The following DENND3 variants were observed in gnomAD, a reference collection of about 807,000 sequenced individuals.
The protein encoded by DENND3 is DENN domain containing 3, also known as DENN domain-containing protein 3.
In DENND3, 88 loss-of-function variants were observed where a neutral mutation model predicts 135.1. That is an observed-to-expected ratio of 0.65 (90% CI 0.55 to 0.78). The LOEUF (loss-of-function observed/expected upper bound fraction) is 0.78. Ranked by LOEUF, DENND3 falls within the 30% of genes least tolerant of loss-of-function variation. DENND3 has a pLI of 0.00. For synonymous variants in DENND3, 693 were observed against 712.3 expected, an observed-to-expected ratio of 0.97 and a Z score of 0.43; for missense variants, 1,392 against 1,688.4, an observed-to-expected ratio of 0.82 and a Z score of 3.08.
chr8:141,143,094 C>T (rs959946309), intron 4 of DENND3: 7 of 152,190 alleles, frequency 4.6e-5, no homozygotes, highest in African/African-American at 1.4e-4. Context: ...AAACAGAATA[C>T]AGCCAGAAGA....
rs761569405 is a variant in DENND3 at position 141,188,971 on chromosome 8, G to A, written c.3085-15G>A. On this transcript the variant is annotated splice_polypyrimidine_tract_variant and intron_variant, in intron 18 of 22. Coordinates refer to ENST00000519811, the MANE Select transcript of DENND3 (RefSeq NM_001352890.3). ...AGACTGACTGATTTCTCACGTTCCC[G>A]TGGCCTCCTGTTAGAACTGCATGGT... The A allele has an allele frequency of 1.3e-5, 21 of 1,607,044 alleles. No homozygotes were observed. The highest frequency in any genetic ancestry group is 1.7e-4 in the Middle Eastern group (1 of 6,022).
chr8:141,184,289 G>T (rs1207548514), intron 17 of DENND3, among the ~76,000 whole-genome samples: 1 of 152,138 alleles, frequency 6.6e-6, no homozygotes, highest in Non-Finnish European at 1.5e-5. Flanking sequence ...TATGAATACA[G>T]CACCATGGAG....
chr8:141,164,141 G>GCTCT (rs1180944013), intron 10 of DENND3, among the ~76,000 whole-genome samples: 1 of 152,092 alleles, frequency 6.6e-6, no homozygotes, highest in Non-Finnish European at 1.5e-5. Flanking sequence ...GCAGTCCTGC[G>GCTCT]GTCTGCGCTC....
At chr8:141,186,515 G>GT (rs1358369939) in intron 18 of DENND3, among the ~76,000 whole-genome samples, 4 of 151,974 alleles carry the variant, frequency 2.6e-5, no homozygotes, top group Non-Finnish European at 4.4e-5. Flanking sequence ...CATATGTTGA[G>GT]TTTTTTTTGC....
rs1823736856 is a variant in DENND3, at chr8:141,185,204, G to A, written c.3010G>A (p.Gly1004Ser). Residue 1004 changes from glycine to serine, a missense_variant, in exon 18 of 23, where the codon GGC becomes AGC. By Grantham distance (56) the Gly-to-Ser change is moderately conservative. Transcript: ENST00000519811. ...HPKLWCALSE[G>S]KVTVFNASSW... is the part of the protein sequence containing the mutation. ...CAAGTTATGGTGTGCTCTGAGCGAA[G>A]GCAAGGTGACCGTGTTCAATGCTTC... 8.7e-6 allele frequency: 14 copies of A among 1,614,234 alleles called. No homozygotes were observed. Among genetic ancestry groups the A allele is most frequent in the Non-Finnish European group, 1.0e-5 (12 of 1,180,028 alleles).
chr8:141,175,606 C>T lies in DENND3; in HGVS notation c.2535+147C>T. On this transcript the variant is annotated intron_variant, in intron 14 of 22. Transcript: ENST00000519811. This position sits in a 1 kb window ranked among gnomAD's most constrained non-coding sequence, Gnocchi z 5.4. ...GAATGCCTTCCTGTCCCTCAGTTTGCTCATCTGTAAAGTAGGAATAAGGCT... is the reference window on the plus strand; with the variant it reads ...GAATGCCTTCCTGTCCCTCAGTTTGTTCATCTGTAAAGTAGGAATAAGGCT... The T allele has an allele frequency of 7.9e-7, 1 of 1,270,502 alleles. No individual in the cohort carries two copies. Among genetic ancestry groups the T allele is most frequent in the African/African-American group, 1.5e-5 (1 of 68,324 alleles). 78.7% of individuals were successfully genotyped at this position (1,270,502 alleles called of 1,614,324 possible).
chr8:141,175,568 C>A lies in DENND3; in HGVS notation c.2535+109C>A, dbSNP rs890687327. Reference sequence around the variant, plus strand: ...AGCCATGCCAAGTACCAGCTGCAGCCCTTCTGCAGACCGAATGCCTTCCTG... The same window carrying A: ...AGCCATGCCAAGTACCAGCTGCAGCACTTCTGCAGACCGAATGCCTTCCTG... On this transcript the variant is annotated intron_variant, in intron 14 of 22. Transcript: ENST00000519811. The surrounding 1 kb of genome is among the most constrained non-coding windows in gnomAD (Gnocchi z 5.4). 1.9e-6 allele frequency: 3 copies of A among 1,551,636 alleles called. No homozygotes were observed. The highest frequency in any genetic ancestry group is 1.7e-5 in the Admixed American group (1 of 58,364).
In DENND3 at chr8:141,187,417, G is replaced by T. The variant is rs1424319752; in HGVS notation, c.3085-1569G>T. ...TTTTTGTATTTTGAGTAGAGATGGG[G>T]TTTCACCGTGCTGCTCAGGCTGGTC... is the stretch of plus-strand genomic sequence containing the variant. On this transcript the variant is annotated intron_variant, in intron 18 of 22. Coordinates refer to ENST00000519811, the MANE Select transcript of DENND3 (RefSeq NM_001352890.3). Among the ~76,000 whole-genome samples the T allele has an allele frequency of 2.0e-5, 3 of 152,034 alleles. No individual in the cohort carries two copies. In the East Asian group the frequency reaches 5.8e-4, roughly 29 times the overall value.
rs34035594 is a variant in DENND3, at chr8:141,156,791, CT to C, written c.1196+839del. Among the ~76,000 whole-genome samples the C allele has an allele frequency of 2.7e-3, 329 of 123,184 alleles. 1 individual carries two copies. The highest frequency in any genetic ancestry group is 9.8e-3 in the South Asian group (38 of 3,894). 80.8% of individuals were successfully genotyped at this position (123,184 alleles called of 152,430 possible). A position where few individuals can be genotyped will look rare whatever the true frequency, so the allele number is the denominator to read the frequency against. ...GCACTTTATCTTTTCTTTTTCTTTC[CT>C]TTTTTTTTTTTTTTTTTGAGATGGA... On this transcript the variant is annotated intron_variant, in intron 8 of 22. Coordinates refer to ENST00000519811, the MANE Select transcript of DENND3 (RefSeq NM_001352890.3).
In DENND3 at chr8:141,175,892, C is replaced by G. The variant is rs1301864691; in HGVS notation, c.2535+433C>G. The G allele has an allele frequency of 2.3e-5, 5 of 218,902 alleles. No individual in the cohort carries two copies. 13.6% of individuals were successfully genotyped at this position (218,902 alleles called of 1,614,324 possible). A position where few individuals can be genotyped will look rare whatever the true frequency, so the allele number is the denominator to read the frequency against. On this transcript the variant is annotated intron_variant, in intron 14 of 22. Coordinates refer to ENST00000519811, the MANE Select transcript of DENND3 (RefSeq NM_001352890.3). This position sits in a 1 kb window ranked among gnomAD's most constrained non-coding sequence, Gnocchi z 5.4. ...CGGACCTGGTTCATATAAAACATAA[C>G]AAGCTTATTTTATAACAATTAAAAA...
At chr8:141,185,628 C>G (rs538490611) in intron 18 of DENND3, among the ~76,000 whole-genome samples, 1 of 152,060 alleles carries the variant, frequency 6.6e-6, no homozygotes, top group East Asian at 1.9e-4. Flanking sequence ...GAGTTTGAGA[C>G]CAGCCTGGGC....
intron 8 of DENND3, chr8:141,158,136 A>G (rs1819671285): frequency 1.6e-6 from 2 of 1,286,428 alleles, no homozygotes; most frequent in Non-Finnish European, 2.0e-6. Context: ...GGTCCTGCAC[A>G]GGCAAGGCTG....
At position 141,195,308 on chromosome 8, in the gene DENND3, G is replaced by C. The variant is rs1569557330; in HGVS notation, c.*1075G>C. 6.6e-6 allele frequency: 1 copy of C among 152,388 alleles called. No individual in the cohort carries two copies. Among genetic ancestry groups the C allele is most frequent in the African/African-American group, 2.4e-5 (1 of 41,470 alleles). 9.4% of individuals were successfully genotyped at this position (152,388 alleles called of 1,614,324 possible). On this transcript the variant is annotated 3_prime_UTR_variant, in exon 23 of 23. Transcript: ENST00000519811. The stretch of plus-strand genomic sequence containing the variant: ...AGCACGTGCTGAGGGCATGGGGCCT[G>C]CCCCCTGGGCACCCATCCACAAGCT...
At position 141,182,503 on chromosome 8, in the gene DENND3, G is replaced by A. The variant is rs551042116; in HGVS notation, c.2944+1649G>A. 4.0e-5 allele frequency: 39 copies of A among 985,296 alleles called. No individual in the cohort carries two copies. In the East Asian group the frequency reaches 2.0e-3, roughly 52 times the overall value. 61.0% of individuals were successfully genotyped at this position (985,296 alleles called of 1,614,324 possible). On this transcript the variant is annotated intron_variant, in intron 17 of 22. Transcript: ENST00000519811. This position sits in a 1 kb window ranked among gnomAD's most constrained non-coding sequence, Gnocchi z 5.9. ...TGAATACATGGTATTTTTAGGTCCC[G>A]GTTGGTTTCCCTGAAATGAAACTCA... is the stretch of plus-strand genomic sequence containing the variant.
chr8:141,176,828 T>A, intron 15 of DENND3, 67 bp downstream of exon 15: 1 of 1,572,146 alleles, frequency 6.4e-7, no homozygotes, highest in Admixed American at 1.8e-5. Context: ...CACCTGTGGG[T>A]CCTGTGGCAG....
chr8:141,137,489 G>A lies in DENND3; in HGVS notation c.386-533G>A, dbSNP rs117919255. On this transcript the variant is annotated intron_variant, in intron 2 of 22. Coordinates refer to ENST00000519811, the MANE Select transcript of DENND3 (RefSeq NM_001352890.3). This position sits in a 1 kb window ranked among gnomAD's most constrained non-coding sequence, Gnocchi z 4.1. ...AAAATACATCCAGTTCATCTGCAGC[G>A]GTTCCACCCCCAGTGTGCCTGAGCC... 3.5e-4 allele frequency among the ~76,000 whole-genome samples: 53 copies of A among 152,236 alleles called. 1 individual carries two copies. In the East Asian group the frequency reaches 9.4e-3, roughly 27 times the overall value.
intron 10 of DENND3, among the ~76,000 whole-genome samples, chr8:141,164,934 C>T (rs1365533850): frequency 6.6e-6 from 1 of 152,214 alleles, no homozygotes; most frequent in Non-Finnish European, 1.5e-5. Context: ...GTGTCCACCT[C>T]TTGTAGCTAT....
intron 1 of DENND3, among the ~76,000 whole-genome samples, chr8:141,133,432 G>A (rs1049400801): frequency 2.6e-5 from 4 of 152,234 alleles, no homozygotes; most frequent in African/African-American, 7.2e-5. Context: ...GGCTGGGTTG[G>A]GGCCACAAAG....
rs1309023825 is a variant in DENND3 at position 141,144,304 on chromosome 8, A to G, written c.735+45A>G. On this transcript the variant is annotated intron_variant, in intron 5 of 22. Transcript: ENST00000519811. The surrounding 1 kb of genome is among the most constrained non-coding windows in gnomAD (Gnocchi z 4.4). ...ATATTGTTTTTTCTTTGCAAATAGT[A>G]AAAGTAAGATGTTGAAGATAATGTA... The G allele has an allele frequency of 2.0e-6, 3 of 1,515,702 alleles. No individual in the cohort carries two copies. Among genetic ancestry groups the G allele is most frequent in the Admixed American group, 3.7e-5 (2 of 53,394 alleles). 93.9% of individuals were successfully genotyped at this position (1,515,702 alleles called of 1,614,324 possible). A position where few individuals can be genotyped will look rare whatever the true frequency, so the allele number is the denominator to read the frequency against.
Sources: gnomAD v4.1 joint callset for allele counts (sites outside exome capture counted in the v4.1 genomes callset) on GRCh38, gnomAD v4.1.1 for gene constraint, Gnocchi (gnomAD v3.1) non-coding constraint, MANE v1.5 for transcripts, NCBI Gene and HGNC (gene_info 2026-07-23, HGNC 2026-07-21) for gene names.